UBE3C: variants seen among roughly 807,000 people sequenced by gnomAD.
UBE3C encodes the protein ubiquitin protein ligase E3C.
Under a neutral mutation model 129.4 loss-of-function variants are expected in UBE3C, and 42 were observed. The ratio of observed to expected loss-of-function variants is 0.32; its 90% CI spans 0.25 to 0.42. UBE3C has a LOEUF of 0.42. Among genes scored for constraint, UBE3C ranks in the 10% least tolerant of loss-of-function variants. The pLI is 1.00. For synonymous variants in UBE3C, 510 were observed against 492.4 expected (o/e 1.04, Z -0.47); for missense variants, 1,049 against 1,319.1 (o/e 0.80, Z 3.17).
chr7:157,163,161 G>C (rs1294780179), intron 1 of UBE3C, among the ~76,000 whole-genome samples: 3 of 151,978 alleles, frequency 2.0e-5, no homozygotes, highest in South Asian at 2.1e-4. Flanking sequence ...CGAGGCGGGT[G>C]GATCAGGAGG....
At chr7:157,255,643 T>G (rs1055016421) in intron 21 of UBE3C, among the ~76,000 whole-genome samples, 5 of 152,244 alleles carry the variant, frequency 3.3e-5, no homozygotes, top group Non-Finnish European at 5.9e-5. Flanking sequence ...ATCTCAGCTA[T>G]GCCAGTAAAT....
chr7:157,242,175 CGTG>C (rs1443301738), intron 18 of UBE3C, among the ~76,000 whole-genome samples: 11 of 152,258 alleles, frequency 7.2e-5, no homozygotes, highest in African/African-American at 2.2e-4. Context: ...CGGTAGGTAA[CGTG>C]GTGACTGAGA....
intron 19 of UBE3C, among the ~76,000 whole-genome samples, chr7:157,250,435 C>T (rs1166440450): frequency 6.6e-6 from 1 of 152,152 alleles, no homozygotes; most frequent in African/African-American, 2.4e-5. Context: ...GATCCTCCTG[C>T]CTCAACCTCC....
intron 10 of UBE3C, among the ~76,000 whole-genome samples, chr7:157,193,821 G>C (rs1290310371): frequency 6.6e-6 from 1 of 152,090 alleles, no homozygotes; most frequent in Admixed American, 6.6e-5. Flanking sequence ...GACTGCAGTA[G>C]TAAAAATAAT....
At chr7:157,183,417 C>G (rs1808721421) in intron 8 of UBE3C, among the ~76,000 whole-genome samples, 1 of 152,128 alleles carries the variant, frequency 6.6e-6, no homozygotes, top group Non-Finnish European at 1.5e-5. Flanking sequence ...TCTCCAGGCA[C>G]TCCACACTCT....
At chr7:157,215,705 C>T (rs1240326983) in intron 13 of UBE3C, among the ~76,000 whole-genome samples, 2 of 151,822 alleles carry the variant, frequency 1.3e-5, no homozygotes, top group South Asian at 2.1e-4. Context: ...TCAGAAAACG[C>T]CGTCTTGAGC....
intron 1 of UBE3C, among the ~76,000 whole-genome samples, chr7:157,148,665 TA>T: frequency 6.6e-6 from 1 of 151,806 alleles, no homozygotes; most frequent in African/African-American, 2.4e-5. Context: ...TAGTGGAACA[TA>T]AAAACTTTTT....
intron 18 of UBE3C, among the ~76,000 whole-genome samples, chr7:157,245,439 C>A (rs898105651): frequency 5.3e-5 from 8 of 152,160 alleles, no homozygotes; most frequent in African/African-American, 1.4e-4. Context: ...TCATTCATTT[C>A]GAAGTGATGC....
At chr7:157,247,169 A>C (rs1001300641) in intron 18 of UBE3C, among the ~76,000 whole-genome samples, 1 of 152,102 alleles carries the variant, frequency 6.6e-6, no homozygotes, top group Non-Finnish European at 1.5e-5. Context: ...TACAGGCGTG[A>C]GCCACCGCAC....
chr7:157,206,513 C>T (rs1304506041), intron 11 of UBE3C, among the ~76,000 whole-genome samples: 2 of 152,104 alleles, frequency 1.3e-5, no homozygotes, highest in Non-Finnish European at 2.9e-5. Context: ...CCACCCACCT[C>T]GGCCTCCCAG....
intron 22 of UBE3C, among the ~76,000 whole-genome samples, chr7:157,264,754 A>G (rs1797031789): frequency 2.0e-5 from 3 of 152,148 alleles, no homozygotes; most frequent in Admixed American, 2.0e-4. Context: ...TATTTTTAGT[A>G]GAGATGGGGT....
intron 1 of UBE3C, among the ~76,000 whole-genome samples, chr7:157,160,363 C>T (rs1808037601): frequency 1.3e-5 from 2 of 152,156 alleles, no homozygotes; most frequent in African/African-American, 4.8e-5. Context: ...GTGTGAGCCC[C>T]TGCAGCAGCC....
intron 9 of UBE3C, among the ~76,000 whole-genome samples, chr7:157,184,824 C>T (rs1289133421): frequency 1.3e-5 from 2 of 152,030 alleles, no homozygotes; most frequent in South Asian, 4.2e-4. Flanking sequence ...AGAAAAGGAT[C>T]GATAAGTCAG....
At position 157,207,774 on chromosome 7, in the gene UBE3C, C is replaced by A; in HGVS notation, c.1648C>A (p.Arg550=). Residue 550 remains arginine, a synonymous_variant, in exon 13 of 23, where the codon CGA becomes AGA. Transcript: ENST00000348165. ...GCTGATAATGTTGTCTCGATGCCTT[C>A]GAGATGCATGCCTGGGGATCATCAA... The part of the protein sequence containing the change: ...EELIMLSRCL[R]DACLGIIKLA... 1.2e-6 allele frequency: 2 copies of A among 1,614,088 alleles called. No individual in the cohort carries two copies. Among genetic ancestry groups the A allele is most frequent in the Non-Finnish European group, 1.7e-6 (2 of 1,180,016 alleles).
At chr7:157,168,464 C>G (rs1437052851) in intron 2 of UBE3C, among the ~76,000 whole-genome samples, 1 of 152,090 alleles carries the variant, frequency 6.6e-6, no homozygotes, top group Admixed American at 6.5e-5. Flanking sequence ...AAATGAAAAC[C>G]TGTATCCACA....
intron 12 of UBE3C, 69 bp downstream of exon 12, chr7:157,207,624 GTTTTAAGCT>G: frequency 6.9e-6 from 11 of 1,586,536 alleles, no homozygotes; most frequent in Non-Finnish European, 9.4e-6. Context: ...CAGTAGAAAA[GTTTTAAGCT>G]TTTTAAGTCT....
chr7:157,246,207 T>C (rs1796472696), intron 18 of UBE3C, among the ~76,000 whole-genome samples: 1 of 149,178 alleles, frequency 6.7e-6, no homozygotes, highest in Admixed American at 6.8e-5. Flanking sequence ...GGAATACTTA[T>C]TTAAGGATGC....
In UBE3C at chr7:157,254,077, C is replaced by T. The variant is rs142140245; in HGVS notation, c.2818C>T (p.Arg940Cys). ...GATCCGCCAGCACTGCCTGGCTTTCCGCCAGGGCCTTGCCAATGTCGTCAG... is the reference window on the plus strand; with the variant it reads ...GATCCGCCAGCACTGCCTGGCTTTCTGCCAGGGCCTTGCCAATGTCGTCAG... The part of the protein sequence containing the change: ...RQIRQHCLAF[R>C]QGLANVVSLE... The change falls in exon 20 of 23, where the codon CGC (arginine) becomes TGC (cysteine). Residue 940 changes from arginine to cysteine, a missense_variant. Physicochemically the swap from Arg to Cys is radical, Grantham distance 180. Coordinates refer to ENST00000348165, the MANE Select transcript of UBE3C (RefSeq NM_014671.3). 2.5e-6 allele frequency: 4 copies of T among 1,613,290 alleles called. No homozygotes were observed. The highest frequency in any genetic ancestry group is 1.7e-6 in the Non-Finnish European group (2 of 1,179,764).
At chr7:157,226,655 T>C (rs1285699673) in intron 17 of UBE3C, among the ~76,000 whole-genome samples, 1 of 152,194 alleles carries the variant, frequency 6.6e-6, no homozygotes, top group Admixed American at 6.5e-5. Context: ...AAGAACTAAT[T>C]TTATCATAAT....
Sources: allele counts gnomAD v4.1 joint callset (sites outside exome capture counted in the v4.1 genomes callset), GRCh38; gene constraint gnomAD v4.1.1; transcripts MANE v1.5; gene names NCBI Gene and HGNC (gene_info 2026-07-23, HGNC 2026-07-21).